LRRC1: variants seen among roughly 807,000 people sequenced by gnomAD.
The protein encoded by LRRC1 is leucine rich repeat containing 1, also known as leucine-rich repeat-containing protein 1.
LRRC1 carries 28 observed loss-of-function variants against 69.9 expected under a neutral mutation model. The ratio of observed to expected loss-of-function variants is 0.40; its 90% CI spans 0.30 to 0.55. The LOEUF (loss-of-function observed/expected upper bound fraction) is 0.55, where lower values mean the gene tolerates loss of function less well. Among genes scored for constraint, LRRC1 ranks in the 20% least tolerant of loss-of-function variants. The pLI is 0.47. For synonymous variants in LRRC1, 236 were observed against 240.2 expected, an observed-to-expected ratio of 0.98 and a Z score of 0.16; for missense variants, 498 against 609.0, an observed-to-expected ratio of 0.82 and a Z score of 1.92.
intron 1 of LRRC1, among the ~76,000 whole-genome samples, chr6:53,796,644 GTTC>G (rs762230933): frequency 3.3e-5 from 5 of 152,148 alleles, no homozygotes; most frequent in Non-Finnish European, 7.4e-5. Flanking sequence ...AAGTGGTGGT[GTTC>G]TTCTTGGATT....
intron 2 of LRRC1, among the ~76,000 whole-genome samples, chr6:53,845,451 G>C (rs4128619): frequency 0.37 from 56,444 of 151,988 alleles, 10,950 homozygotes; most frequent in East Asian, 0.64. Flanking sequence ...CTTTGTACAG[G>C]TGCAGGCATT....
chr6:53,912,499 C>G (rs1448710827), intron 10 of LRRC1, among the ~76,000 whole-genome samples: 1 of 152,124 alleles, frequency 6.6e-6, no homozygotes, highest in Non-Finnish European at 1.5e-5. Flanking sequence ...AAAAGCCTTT[C>G]TACATATCTG....
intron 2 of LRRC1, among the ~76,000 whole-genome samples, chr6:53,858,845 G>T (rs141097314): frequency 6.6e-6 from 1 of 152,312 alleles, no homozygotes; most frequent in East Asian, 1.9e-4. Context: ...GACTGGCAGA[G>T]AATAAATCAG....
intron 8 of LRRC1, among the ~76,000 whole-genome samples, chr6:53,900,717 A>G (rs1248065243): frequency 2.6e-5 from 4 of 152,202 alleles, no homozygotes; most frequent in African/African-American, 9.7e-5. Context: ...AAAAAAATCA[A>G]TCTAGACATT....
intron 2 of LRRC1, among the ~76,000 whole-genome samples, chr6:53,864,436 A>G (rs912652533): frequency 1.3e-5 from 2 of 152,098 alleles, no homozygotes; most frequent in Non-Finnish European, 2.9e-5. Context: ...GACTCCTGCA[A>G]TGTATCTGGA....
intron 2 of LRRC1, among the ~76,000 whole-genome samples, chr6:53,867,640 ATTAAT>A (rs1045866634): frequency 2.1e-4 from 32 of 152,128 alleles, no homozygotes; most frequent in African/African-American, 7.0e-4. Flanking sequence ...GAAAAGTATG[ATTAAT>A]TTATTTTTAT....
At chr6:53,905,640 C>T (rs1256983001) in intron 10 of LRRC1, among the ~76,000 whole-genome samples, 5 of 152,072 alleles carry the variant, frequency 3.3e-5, no homozygotes, top group African/African-American at 2.4e-5. Context: ...GAACATGTGG[C>T]GTTCTTGTTT....
At chr6:53,829,027 C>T (rs1765350047) in intron 1 of LRRC1, among the ~76,000 whole-genome samples, 1 of 152,208 alleles carries the variant, frequency 6.6e-6, no homozygotes, top group Non-Finnish European at 1.5e-5. Flanking sequence ...ACACACTATT[C>T]TGAAAACCTG....
intron 1 of LRRC1, among the ~76,000 whole-genome samples, chr6:53,807,478 G>A (rs1489399553): frequency 1.3e-5 from 2 of 152,188 alleles, no homozygotes; most frequent in African/African-American, 4.8e-5. Context: ...AGGCGCAGTG[G>A]CTTACGCCTG....
chr6:53,826,829 CTT>C (rs879840875), intron 1 of LRRC1, among the ~76,000 whole-genome samples: 2 of 145,878 alleles, frequency 1.4e-5, no homozygotes, highest in East Asian at 2.0e-4. Flanking sequence ...ATAGCTGAGA[CTT>C]TTTTTTTTTT....
intron 10 of LRRC1, among the ~76,000 whole-genome samples, chr6:53,912,256 G>A (rs1398271398): frequency 1.3e-5 from 2 of 152,128 alleles, no homozygotes; most frequent in Non-Finnish European, 2.9e-5. Flanking sequence ...CTGTCAGAGG[G>A]TTAGACCGTA....
intron 1 of LRRC1, among the ~76,000 whole-genome samples, chr6:53,819,321 A>G (rs140377372): frequency 4.1e-4 from 62 of 152,274 alleles, no homozygotes; most frequent in African/African-American, 1.3e-3. Context: ...CTTATGATGT[A>G]TGCTTCTGGC....
intron 1 of LRRC1, among the ~76,000 whole-genome samples, chr6:53,835,835 C>T (rs755114693): frequency 1.3e-5 from 2 of 152,114 alleles, no homozygotes; most frequent in Non-Finnish European, 2.9e-5. Context: ...GAGGTTTCTA[C>T]CTCATTTAAT....
intron 1 of LRRC1, among the ~76,000 whole-genome samples, chr6:53,810,711 A>G (rs1764768594): frequency 6.6e-6 from 1 of 152,222 alleles, no homozygotes; most frequent in Admixed American, 6.5e-5. Context: ...AAACATACAT[A>G]AATAGGGTAT....
At chr6:53,845,211 CAAAA>C (rs1384122570) in intron 2 of LRRC1, among the ~76,000 whole-genome samples, 3 of 152,118 alleles carry the variant, frequency 2.0e-5, no homozygotes, top group Non-Finnish European at 4.4e-5. Flanking sequence ...CTCAAACAAA[CAAAA>C]GAAAGAACGA....
Position 53,879,049 on chromosome 6 carries a change from T to C in LRRC1, c.334T>C (p.Phe112Leu). ...CTGTAAAGCACTGCAGGTAGCTGAC[T>C]TCAGCGGAAACCCACTGACTAGGTA... ...SFCKALQVAD[F>L]SGNPLTRLPE... Residue 112 changes from phenylalanine (F) to leucine (L), a missense_variant, in exon 3 of 14, where the codon TTC becomes CTC. By Grantham distance (22) the Phe-to-Leu change is conservative. Transcript: ENST00000370888. 1.2e-6 allele frequency: 2 copies of C among 1,613,378 alleles called. No individual in the cohort carries two copies. The highest frequency in any genetic ancestry group is 1.7e-6 in the Non-Finnish European group (2 of 1,179,604).
Position 53,795,298 on chromosome 6 carries a change from G to A in LRRC1, c.42G>A (p.Val14=). The A allele has an allele frequency of 6.2e-7, 1 of 1,613,062 alleles. No individual in the cohort carries two copies. The highest frequency in any genetic ancestry group is 8.5e-7 in the Non-Finnish European group (1 of 1,179,890). Residue 14 remains valine, a synonymous_variant, in exon 1 of 14, where the codon GTG becomes GTA. Transcript: ENST00000370888. ...CCCTGTGGCGGTGCAACCGTCATGT[G>A]GAGAGCATCGACAAGCGCCACTGCT... ...CIPLWRCNRH[V]ESIDKRHCSL... is the part of the protein sequence containing the mutation.
chr6:53,919,237 T>A, intron 11 of LRRC1: 1 of 180,078 alleles, frequency 5.6e-6, no homozygotes, highest in South Asian at 2.2e-4. Flanking sequence ...CTCTTTTTTT[T>A]TTTTTTTTTT....
At position 53,917,050 on chromosome 6, in the gene LRRC1, T is replaced by C. The variant is rs191474921; in HGVS notation, c.1107-2448T>C. Among the ~76,000 whole-genome samples the C allele has an allele frequency of 4.6e-4, 70 of 152,316 alleles. 1 individual carries two copies. In the East Asian group the frequency reaches 0.013, roughly 29 times the overall value. Reference sequence around the variant, plus strand: ...TTGTGCGTTGATTCTGTTTATTCTGTAGTGTACAGAAGGTACCAGAATAAA... The same window carrying C: ...TTGTGCGTTGATTCTGTTTATTCTGCAGTGTACAGAAGGTACCAGAATAAA... On this transcript the variant is annotated intron_variant, in intron 11 of 13. Transcript: ENST00000370888.
Sources: allele counts gnomAD v4.1 joint callset (sites outside exome capture counted in the v4.1 genomes callset), GRCh38; gene constraint gnomAD v4.1.1; transcripts MANE v1.5; gene names NCBI Gene and HGNC (gene_info 2026-07-23, HGNC 2026-07-21).